CDC42SE2: variants seen among roughly 807,000 people sequenced by gnomAD.
CDC42SE2 encodes the protein CDC42 small effector 2.
CDC42SE2 carries 3 observed loss-of-function variants against 11.5 expected under a neutral mutation model. The ratio of observed to expected loss-of-function variants is 0.26; its 90% CI spans 0.12 to 0.67. CDC42SE2 has a LOEUF of 0.67. Ranked by LOEUF, CDC42SE2 falls within the 30% of genes least tolerant of loss-of-function variation. The probability of loss-of-function intolerance (pLI) is 0.80; values close to 1 mark genes in which losing one functional copy is unlikely to be tolerated. For missense variants in CDC42SE2, 82 were observed against 106.8 expected (o/e 0.77, Z 1.02); for synonymous variants, 33 against 34.8 (o/e 0.95, Z 0.18).
In CDC42SE2 at chr5:131,391,148, C is replaced by T; in HGVS notation, c.*57C>T. On this transcript the variant is annotated 3_prime_UTR_variant, in exon 5 of 5. Transcript: ENST00000505065. ...CTGGGGTCTGGACCTGACGGCCAGA[C>T]ATGGCCAGGCCAATAATAGTAAATA... is the stretch of plus-strand genomic sequence containing the variant. 3 of 1,177,050 alleles carry T rather than the reference C, an allele frequency of 2.5e-6. No homozygotes were observed. Among genetic ancestry groups the T allele is most frequent in the Non-Finnish European group, 1.2e-6 (1 of 800,520 alleles). 72.9% of individuals were successfully genotyped at this position (1,177,050 alleles called of 1,614,324 possible).
At chr5:131,367,220 C>T (rs1749887456) in intron 3 of CDC42SE2, among the ~76,000 whole-genome samples, 1 of 151,658 alleles carries the variant, frequency 6.6e-6, no homozygotes, top group Non-Finnish European at 1.5e-5. Flanking sequence ...CAGATATAAG[C>T]TCCTACCCAA....
intron 1 of CDC42SE2, among the ~76,000 whole-genome samples, chr5:131,270,038 G>A (rs866869063): frequency 6.6e-6 from 1 of 151,672 alleles, no homozygotes; most frequent in Non-Finnish European, 1.5e-5. Flanking sequence ...TCCAGCCTGG[G>A]CGATGGAGCA....
rs1487028911 is a variant in CDC42SE2, at chr5:131,359,194, C to CT, written c.-285-7dup. On this transcript the variant is annotated splice_polypyrimidine_tract_variant and intron_variant, in intron 2 of 4. Coordinates refer to ENST00000505065, the MANE Select transcript of CDC42SE2 (RefSeq NM_001375635.1). The stretch of plus-strand genomic sequence containing the variant: ...AAAGTTTAACTTTTTTTTACTTTTT[C>CT]TTTTTTTTCCCTAGACTATCTGTTA... The CT allele has an allele frequency of 7.9e-5, 21 of 264,282 alleles. No homozygotes were observed. Among genetic ancestry groups the CT allele is most frequent in the Non-Finnish European group, 9.1e-5 (13 of 142,290 alleles). The allele number at this position is 264,282 out of a possible 1,614,324, so 16.4% of individuals were successfully genotyped here.
chr5:131,310,798 A>T (rs554231164), intron 1 of CDC42SE2, among the ~76,000 whole-genome samples: 1 of 152,026 alleles, frequency 6.6e-6, no homozygotes, highest in East Asian at 1.9e-4. Flanking sequence ...TTTGTTTGGT[A>T]GAGCTTCCTC....
At chr5:131,213,894 A>G in the CDC42SE2 span, among the ~76,000 whole-genome samples, 2 of 152,106 alleles carry the variant, frequency 1.3e-5, no homozygotes, top group African/African-American at 4.8e-5. Context: ...TTCTGCTATA[A>G]TCTTTTCCCC....
At chr5:131,238,273 G>A in the CDC42SE2 span, among the ~76,000 whole-genome samples, 197 of 152,068 alleles carry the variant, frequency 1.3e-3, no homozygotes, top group Non-Finnish European at 1.3e-3. Context: ...CGAGGCGGAT[G>A]GATCGCGAGG....
At chr5:131,295,559 G>A (rs1465192255) in intron 1 of CDC42SE2, among the ~76,000 whole-genome samples, 1 of 152,074 alleles carries the variant, frequency 6.6e-6, no homozygotes, top group East Asian at 1.9e-4. Context: ...ACATACATAA[G>A]TATATATAGT....
At chr5:131,249,876 C>A (rs562614562) in intron 1 of CDC42SE2, among the ~76,000 whole-genome samples, 4 of 151,834 alleles carry the variant, frequency 2.6e-5, no homozygotes, top group Non-Finnish European at 4.4e-5. Context: ...GAGTGAGATG[C>A]TGTCTCTAAA....
In CDC42SE2 at chr5:131,282,778, G is replaced by A. The variant is rs557589361; in HGVS notation, c.-455+18612G>A. 2.0e-3 allele frequency among the ~76,000 whole-genome samples: 299 copies of A among 151,216 alleles called. 1 individual carries two copies. Among genetic ancestry groups the A allele is most frequent in the African/African-American group, 7.0e-3 (288 of 41,144 alleles). The stretch of plus-strand genomic sequence containing the variant: ...CGAGTAGCTGGGACTACAGGTGCCC[G>A]CCACCATGCCTGGCTAATGTTTTTG... On this transcript the variant is annotated intron_variant, in intron 1 of 4. Coordinates refer to ENST00000505065, the MANE Select transcript of CDC42SE2 (RefSeq NM_001375635.1).
chr5:131,282,007 C>G (rs1345071283), intron 1 of CDC42SE2, among the ~76,000 whole-genome samples: 1 of 152,304 alleles, frequency 6.6e-6, no homozygotes, highest in Non-Finnish European at 1.5e-5. Context: ...GGACATTTCA[C>G]TTGAAAGTTA....
intron 2 of CDC42SE2, among the ~76,000 whole-genome samples, chr5:131,343,492 C>T (rs1213944593): frequency 2.0e-5 from 3 of 152,104 alleles, no homozygotes; most frequent in Non-Finnish European, 4.4e-5. Context: ...GCAGGCGGAT[C>T]TCCTGAGGTC....
intron 2 of CDC42SE2, among the ~76,000 whole-genome samples, chr5:131,328,958 T>G (rs1298054952): frequency 6.6e-6 from 1 of 152,226 alleles, no homozygotes; most frequent in East Asian, 1.9e-4. Flanking sequence ...GGAAAGAGGT[T>G]ATCTCCTTAG....
At chr5:131,282,369 C>CTATATTGTAA in intron 1 of CDC42SE2, among the ~76,000 whole-genome samples, 1 of 152,242 alleles carries the variant, frequency 6.6e-6, no homozygotes, top group Admixed American at 6.5e-5. Flanking sequence ...TAGCAAGTTT[C>CTATATTGTAA]TCTTATCAGA....
chr5:131,289,044 T>A (rs1757397965), intron 1 of CDC42SE2, among the ~76,000 whole-genome samples: 1 of 152,238 alleles, frequency 6.6e-6, no homozygotes, highest in Non-Finnish European at 1.5e-5. Flanking sequence ...TAAAAACTGC[T>A]TAATACATTT....
chr5:131,262,703 G>T (rs1756757360), upstream of CDC42SE2, among the ~76,000 whole-genome samples: 1 of 151,996 alleles, frequency 6.6e-6, no homozygotes, highest in Non-Finnish European at 1.5e-5. Flanking sequence ...ATATCCTCCT[G>T]TATAAATTAT....
intron 2 of CDC42SE2, among the ~76,000 whole-genome samples, chr5:131,341,320 G>A (rs961098347): frequency 6.6e-6 from 1 of 152,072 alleles, no homozygotes; most frequent in African/African-American, 2.4e-5. Flanking sequence ...CACACACAAA[G>A]GAAGGAAAAT....
At chr5:131,229,242 T>G in the CDC42SE2 span, among the ~76,000 whole-genome samples, 5 of 152,086 alleles carry the variant, frequency 3.3e-5, no homozygotes, top group Admixed American at 6.6e-5. Context: ...CTCAAACTCA[T>G]GGACTTAAGT....
chr5:131,326,494 C>A (rs78078182), intron 2 of CDC42SE2, among the ~76,000 whole-genome samples: 5,214 of 152,162 alleles, frequency 0.034, 304 homozygotes, highest in African/African-American at 0.12. Context: ...ATGCTATGTG[C>A]TTATGCAAAT....
chr5:131,270,757 ATAG>A (rs1176738774), intron 1 of CDC42SE2, among the ~76,000 whole-genome samples: 1 of 152,208 alleles, frequency 6.6e-6, no homozygotes, highest in Admixed American at 6.5e-5. Flanking sequence ...AAGGTACAGT[ATAG>A]TAGTGTTCAA....
Sources: gnomAD v4.1 joint callset for allele counts (sites outside exome capture counted in the v4.1 genomes callset) on GRCh38, gnomAD v4.1.1 for gene constraint, MANE v1.5 for transcripts, NCBI Gene and HGNC (gene_info 2026-07-23, HGNC 2026-07-21) for gene names.